The following RPL32 variants were observed in gnomAD, a reference collection of about 807,000 sequenced individuals.
The protein encoded by RPL32 is large ribosomal subunit protein eL32.
For synonymous variants in RPL32, 61 were observed against 62.6 expected (o/e 0.98, Z 0.12); for missense variants, 117 against 173.7 (o/e 0.67, Z 1.83).
chr3:12,837,791 C>A (rs2062110752), intron 3 of RPL32, among the ~76,000 whole-genome samples: 1 of 152,208 alleles, frequency 6.6e-6, no homozygotes. Flanking sequence ...TAGGAAAATT[C>A]AGCTTTTTGG....
chr3:12,841,407 C>T (rs1386054475), intron 1 of RPL32, 87 bp downstream of exon 1: 1 of 152,296 alleles, frequency 6.6e-6, no homozygotes. Flanking sequence ...CAGACACTAC[C>T]GCGCTGAAGG....
chr3:12,839,559 G>T (rs200750668), intron 2 of RPL32, 29 bp from the exon 3 acceptor site: 1 of 1,609,642 alleles, frequency 6.2e-7, no homozygotes, highest in Admixed American at 1.7e-5. Context: ...AGGTGGGTTA[G>T]CGTCTGTGCA....
chr3:12,839,613 TGAAAAG>T (rs773410313), intron 2 of RPL32, 83 bp from the exon 3 acceptor site: 11 of 1,348,266 alleles, frequency 8.2e-6, no homozygotes, highest in Admixed American at 1.7e-5. Context: ...AAGGACCAAA[TGAAAAG>T]GAAGTATGCC....
chr3:12,836,130 G>A lies in RPL32; in HGVS notation c.372C>T (p.Asn124=). The part of the protein sequence containing the change: ...RAAQLAIRVT[N]PNARLRSEEN... ...CTTCACTGCGCAGCCTGGCATTGGG[G>A]TTGGTGACTCTGATGGCCAGTTGGG... Residue 124 remains asparagine (N), a synonymous_variant, in exon 4 of 4, where the codon AAC becomes AAT. Transcript: ENST00000429711. 1.9e-6 allele frequency: 3 copies of A among 1,609,548 alleles called. No individual in the cohort carries two copies. The highest frequency in any genetic ancestry group is 2.5e-6 in the Non-Finnish European group (3 of 1,179,976).
rs543593536 is a variant in RPL32, at chr3:12,840,864, C to A, written c.-5-622G>T. 9 of 209,248 alleles carry A rather than the reference C, an allele frequency of 4.3e-5. 2 individuals are homozygous for A. In the South Asian group the frequency reaches 6.4e-4, roughly 15 times the overall value. The allele number at this position is 209,248 out of a possible 1,614,324, so 13.0% of individuals were successfully genotyped here. A position where few individuals can be genotyped will look rare whatever the true frequency, so the allele number is the denominator to read the frequency against. On this transcript the variant is annotated intron_variant, in intron 1 of 3. Coordinates refer to ENST00000429711, the MANE Select transcript of RPL32 (RefSeq NM_000994.4). The stretch of plus-strand genomic sequence containing the variant: ...GCCATTGATTTCCTACAGCAGCACC[C>A]CTTCTGCTCTCTTCGCAGCCATCAA...
chr3:12,834,530 G>GT lies in RPL32; in HGVS notation c.*1563dup. 1 of 154,858 alleles carries GT rather than the reference G, an allele frequency of 6.5e-6. No individual in the cohort carries two copies. The highest frequency in any genetic ancestry group is 1.4e-5 in the Non-Finnish European group (1 of 69,560). 9.6% of individuals were successfully genotyped at this position (154,858 alleles called of 1,614,324 possible). A position where few individuals can be genotyped will look rare whatever the true frequency, so the allele number is the denominator to read the frequency against. On this transcript the variant is annotated 3_prime_UTR_variant, in exon 4 of 4. Coordinates refer to ENST00000429711, the MANE Select transcript of RPL32 (RefSeq NM_000994.4). ...ATCAGAAATTTGGAAGATGATACGG[G>GT]TTTCTTTTTTCCAGGGAGGAGGAAT...
At chr3:12,840,552 C>A (rs999086818) in intron 1 of RPL32, 6 of 517,390 alleles carry the variant, frequency 1.2e-5, no homozygotes, top group South Asian at 5.9e-5. Flanking sequence ...GCAAATCCCA[C>A]CCCACCAGTG....
intron 2 of RPL32, 141 bp downstream of exon 2, chr3:12,840,001 C>T: frequency 1.3e-6 from 1 of 750,170 alleles, no homozygotes; most frequent in South Asian, 1.6e-5. Context: ...CTAGGGCACA[C>T]TGGGGGAGAC....
chr3:12,840,652 C>T (rs1437211902), intron 1 of RPL32: 1 of 397,014 alleles, frequency 2.5e-6, no homozygotes. Context: ...ATGAAGATGA[C>T]ACTGCGCGCT....
chr3:12,839,190 T>C, intron 3 of RPL32, 159 bp downstream of exon 3: 1 of 672,848 alleles, frequency 1.5e-6, no homozygotes, highest in Non-Finnish European at 2.6e-6. Context: ...CCAACAAGCA[T>C]TCTCTAAAAT....
intron 1 of RPL32, chr3:12,840,548 C>T (rs1179363825): frequency 2.7e-5 from 14 of 521,950 alleles, no homozygotes; most frequent in South Asian, 1.9e-4. Flanking sequence ...GGCAGCAAAT[C>T]CCACCCCACC....
At position 12,839,409 on chromosome 3, in the gene RPL32, C is replaced by T. The variant is rs145625467; in HGVS notation, c.218G>A (p.Gly73Asp). Residue 73 changes from glycine to aspartate, a missense_variant, in exon 3 of 4, where the codon GGC becomes GAC. Coordinates refer to ENST00000429711, the MANE Select transcript of RPL32 (RefSeq NM_000994.4). Reference sequence around the variant, plus strand: ...GTTGTGGACCAGGAACTTCCGGAAGCCACTGGGCAGCATGTGCTTTGTTTT... The same window carrying T: ...GTTGTGGACCAGGAACTTCCGGAAGTCACTGGGCAGCATGTGCTTTGTTTT... ...NKKTKHMLPS[G>D]FRKFLVHNVK... is the part of the protein sequence containing the mutation. 1.9e-6 allele frequency: 3 copies of T among 1,614,056 alleles called. No individual in the cohort carries two copies. Among genetic ancestry groups the T allele is most frequent in the Non-Finnish European group, 2.5e-6 (3 of 1,180,026 alleles).
chr3:12,838,186 C>T (rs951845158), intron 3 of RPL32, among the ~76,000 whole-genome samples: 10 of 152,128 alleles, frequency 6.6e-5, no homozygotes, highest in African/African-American at 2.4e-4. Context: ...GCAGGCAGAC[C>T]GCTTAAGGTC....
intron 3 of RPL32, 96 bp from the exon 4 acceptor site, chr3:12,836,319 G>C: frequency 6.8e-7 from 1 of 1,472,202 alleles, no homozygotes; most frequent in Admixed American, 1.8e-5. Flanking sequence ...CAAGCTAAGA[G>C]AGGGCTGCTT....
At chr3:12,841,002 T>C (rs1229219390) in intron 1 of RPL32, 1 of 154,144 alleles carries the variant, frequency 6.5e-6, no homozygotes, top group Non-Finnish European at 1.4e-5. Flanking sequence ...TTCCCAGAGA[T>C]ACTACCAGAA....
chr3:12,839,254 A>T, intron 3 of RPL32, 95 bp downstream of exon 3: 1 of 1,187,700 alleles, frequency 8.4e-7, no homozygotes, highest in Non-Finnish European at 1.2e-6. Context: ...CCCCCCGCCA[A>T]AATGCATCCC....
Position 12,834,687 on chromosome 3 carries a change from T to G in RPL32, c.*1407A>C, listed in dbSNP as rs1351253626. ...AGGCATAACCAGTTGGTTTGTTTCC[T>G]TCTGAGGAAGGTTTCAAATGTGTCT... On this transcript the variant is annotated 3_prime_UTR_variant, in exon 4 of 4. Coordinates refer to ENST00000429711, the MANE Select transcript of RPL32 (RefSeq NM_000994.4). The G allele has an allele frequency of 6.6e-6, 1 of 152,380 alleles. No individual in the cohort carries two copies. The highest frequency in any genetic ancestry group is 1.5e-5 in the Non-Finnish European group (1 of 68,170). The allele number at this position is 152,380 out of a possible 1,614,324, so 9.4% of individuals were successfully genotyped here.
chr3:12,838,042 G>A (rs1048934393), intron 3 of RPL32, among the ~76,000 whole-genome samples: 5 of 152,244 alleles, frequency 3.3e-5, no homozygotes, highest in Admixed American at 2.6e-4. Context: ...TTGGGGCTGC[G>A]GTGTGCCATG....
chr3:12,836,929 A>T (rs1164800884), intron 3 of RPL32, among the ~76,000 whole-genome samples: 1 of 152,254 alleles, frequency 6.6e-6, no homozygotes, highest in Non-Finnish European at 1.5e-5. Context: ...AGAGAGAAGC[A>T]GCAGGACTGT....
Sources: gnomAD v4.1 joint callset for allele counts (sites outside exome capture counted in the v4.1 genomes callset) on GRCh38, gnomAD v4.1.1 for gene constraint, MANE v1.5 for transcripts, NCBI Gene and HGNC (gene_info 2026-07-23, HGNC 2026-07-21) for gene names.